The following RIMS2 variants were observed in gnomAD, a reference collection of about 807,000 sequenced individuals.
The protein encoded by RIMS2 is regulating synaptic membrane exocytosis protein 2.
In RIMS2, 59 loss-of-function variants were observed where a neutral mutation model predicts 174.4. The observed-to-expected ratio is 0.34, with a 90% confidence interval of 0.27 to 0.42. The LOEUF is 0.42. Ranked by LOEUF, RIMS2 falls within the 10% of genes least tolerant of loss-of-function variation. The probability of loss-of-function intolerance (pLI) is 1.00; values close to 1 mark genes in which losing one functional copy is unlikely to be tolerated. For synonymous variants in RIMS2, 606 were observed against 572.5 expected (o/e 1.06, Z -0.84); for missense variants, 1,620 against 1,666.3 (o/e 0.97, Z 0.48).
chr8:103,839,876 AAAAC>A (rs1188271946), intron 3 of RIMS2, among the ~76,000 whole-genome samples: 1 of 152,216 alleles, frequency 6.6e-6, no homozygotes, highest in Non-Finnish European at 1.5e-5. Flanking sequence ...AACAAAAACA[AAAAC>A]AAAATTCTAG....
chr8:103,880,974 G>A (rs2099164539), intron 3 of RIMS2, among the ~76,000 whole-genome samples: 1 of 151,294 alleles, frequency 6.6e-6, no homozygotes, highest in African/African-American at 2.4e-5. Flanking sequence ...AGTTTATTTA[G>A]CAATATCCAT....
At chr8:104,222,165 T>G (rs1441420474) in intron 19 of RIMS2, among the ~76,000 whole-genome samples, 1 of 152,200 alleles carries the variant, frequency 6.6e-6, no homozygotes, top group Non-Finnish European at 1.5e-5. Context: ...TCATCTCCTT[T>G]TTAGCACTAT....
At chr8:103,794,278 A>G (rs1248312141) in intron 3 of RIMS2, among the ~76,000 whole-genome samples, 2 of 152,040 alleles carry the variant, frequency 1.3e-5, no homozygotes, top group African/African-American at 2.4e-5. Flanking sequence ...AAAGAATACC[A>G]CACATCTAAA....
chr8:103,579,745 C>T (rs1394340469), intron 1 of RIMS2, among the ~76,000 whole-genome samples: 7 of 152,266 alleles, frequency 4.6e-5, no homozygotes, highest in East Asian at 1.9e-4. Context: ...TCTGTTCTCA[C>T]ACTGCTATAA....
chr8:103,667,499 T>C (rs1353573233), intron 1 of RIMS2, among the ~76,000 whole-genome samples: 4 of 152,212 alleles, frequency 2.6e-5, no homozygotes, highest in Admixed American at 6.5e-5. Flanking sequence ...GGACCACTGT[T>C]CTGTCTCTGA....
chr8:103,819,593 A>G (rs2098738969), intron 3 of RIMS2: 1 of 1,613,652 alleles, frequency 6.2e-7, no homozygotes, highest in East Asian at 2.2e-5. Context: ...AATATCTTAC[A>G]AAATGAGCTT....
chr8:104,244,863 CT>C, intron 19 of RIMS2, 52 bp from the exon 26 acceptor site: 1 of 1,483,354 alleles, frequency 6.7e-7, no homozygotes, highest in Non-Finnish European at 9.3e-7. Context: ...GCTGATATTT[CT>C]TACCACATAG....
At chr8:103,660,364 T>C (rs1048476013) in intron 1 of RIMS2, among the ~76,000 whole-genome samples, 18 of 152,214 alleles carry the variant, frequency 1.2e-4, no homozygotes, top group Non-Finnish European at 2.5e-4. Context: ...TATTCCTGCC[T>C]CTGTGCTCAC....
At chr8:103,729,597 A>T (rs887082743) in intron 2 of RIMS2, among the ~76,000 whole-genome samples, 2 of 151,378 alleles carry the variant, frequency 1.3e-5, no homozygotes, top group African/African-American at 2.4e-5. Flanking sequence ...TATTACTTCT[A>T]CTTATTTTGG....
At chr8:104,206,650 T>A (rs1262979493) in intron 19 of RIMS2, among the ~76,000 whole-genome samples, 1 of 152,216 alleles carries the variant, frequency 6.6e-6, no homozygotes, top group Non-Finnish European at 1.5e-5. Context: ...AGTATAGAGA[T>A]TTTAAGCAAT....
chr8:104,239,437 C>G (rs746809592), intron 19 of RIMS2, among the ~76,000 whole-genome samples: 1 of 152,042 alleles, frequency 6.6e-6, no homozygotes, highest in African/African-American at 2.4e-5. Context: ...ATACCTAATA[C>G]CAAAATTAGT....
At chr8:103,907,230 A>G (rs1565233371) in intron 4 of RIMS2, among the ~76,000 whole-genome samples, 1 of 152,190 alleles carries the variant, frequency 6.6e-6, no homozygotes, top group Non-Finnish European at 1.5e-5. Flanking sequence ...GGTGTTGCTG[A>G]TGATGCTATT....
Position 103,883,635 on chromosome 8 carries a change from G to C in RIMS2, c.699-1663G>C, listed in dbSNP as rs115363554. On this transcript the variant is annotated intron_variant, in intron 3 of 23. Coordinates refer to ENST00000504942, the Ensembl canonical transcript of RIMS2. The stretch of plus-strand genomic sequence containing the variant: ...ACTTTCTTAATTATAAAACATTTAA[G>C]GGATAGACTAATTTTTTCACTTTCT... 5.9e-3 allele frequency among the ~76,000 whole-genome samples: 903 copies of C among 151,910 alleles called. 8 individuals are homozygous for C. Among genetic ancestry groups the C allele is most frequent in the African/African-American group, 0.021 (851 of 41,498 alleles).
intron 1 of RIMS2, among the ~76,000 whole-genome samples, chr8:103,619,093 G>GAAA (rs56210078): frequency 3.7e-5 from 4 of 107,190 alleles, no homozygotes; most frequent in African/African-American, 9.7e-5. Flanking sequence ...ACTTTTTGCT[G>GAAA]AAAAAAAAAA....
intron 19 of RIMS2, among the ~76,000 whole-genome samples, chr8:104,166,059 C>CTTTTTTTTTTTTTTT (rs560648211): frequency 1.0e-5 from 1 of 97,854 alleles, no homozygotes; most frequent in Admixed American, 1.2e-4. Flanking sequence ...TTTTGGATTT[C>CTTTTTTTTTTTTTTT]TTTTTTTTTT....
intron 1 of RIMS2, among the ~76,000 whole-genome samples, chr8:103,594,713 A>G (rs2094417051): frequency 6.6e-6 from 1 of 151,862 alleles, no homozygotes; most frequent in Non-Finnish European, 1.5e-5. Flanking sequence ...AATACAGGAT[A>G]TTAGTAAATT....
At chr8:103,632,774 T>C (rs1423359172) in intron 1 of RIMS2, among the ~76,000 whole-genome samples, 9 of 131,734 alleles carry the variant, frequency 6.8e-5, no homozygotes, top group Admixed American at 1.7e-4. Context: ...AGTATCGCTC[T>C]GTAGCCCAGG....
chr8:104,004,449 T>C (rs1258750257), intron 17 of RIMS2, among the ~76,000 whole-genome samples: 1 of 151,986 alleles, frequency 6.6e-6, no homozygotes, highest in Non-Finnish European at 1.5e-5. Flanking sequence ...AAAATGCCTG[T>C]TGGATATGTC....
chr8:103,531,821 C>T (rs1021659508), intron 1 of RIMS2, among the ~76,000 whole-genome samples: 7 of 152,158 alleles, frequency 4.6e-5, no homozygotes, highest in African/African-American at 1.7e-4. Context: ...GTTTGTAATA[C>T]AGTCCATAAC....
Sources: allele counts gnomAD v4.1 joint callset (sites outside exome capture counted in the v4.1 genomes callset), GRCh38; gene constraint gnomAD v4.1.1; transcripts MANE v1.5; gene names NCBI Gene and HGNC (gene_info 2026-07-23, HGNC 2026-07-21).